The following COMMD9 variants were observed in gnomAD, a reference collection of about 807,000 sequenced individuals.
The protein encoded by COMMD9 is COMM domain-containing protein 9.
A neutral mutation model predicts 23.4 loss-of-function variants in COMMD9; 22 were observed. The ratio of observed to expected loss-of-function variants is 0.94; its 90% confidence interval spans 0.67 to 1.34. COMMD9 has a LOEUF of 1.34. Ranked by LOEUF, COMMD9 falls within the 40% of genes most tolerant of loss-of-function variation. The pLI, the probability that COMMD9 is intolerant of heterozygous loss-of-function variation, is 0.00. For synonymous variants in COMMD9, 99 were observed against 97.4 expected, an observed-to-expected ratio of 1.02 and a Z score of -0.10; for missense variants, 231 against 240.2, an observed-to-expected ratio of 0.96 and a Z score of 0.25.
chr11:36,287,002 C>T (rs1311538283), intron 1 of COMMD9, among the ~76,000 whole-genome samples: 2 of 151,784 alleles, frequency 1.3e-5, no homozygotes, highest in Non-Finnish European at 2.9e-5. Flanking sequence ...ATCCTTTACC[C>T]AATTTCCCCT....
chr11:36,278,444 G>A (rs761433805), intron 3 of COMMD9, 33 bp downstream of exon 3: 7 of 1,572,206 alleles, frequency 4.5e-6, no homozygotes, highest in Non-Finnish European at 5.2e-6. Flanking sequence ...AAATGTAAAA[G>A]TTAGAAGGGA....
intron 4 of COMMD9, 77 bp downstream of exon 4, chr11:36,277,012 C>T (rs1415229384): frequency 1.3e-5 from 17 of 1,324,698 alleles, no homozygotes; most frequent in Non-Finnish European, 1.8e-5. Flanking sequence ...CTGCCAAAAT[C>T]TCTGATCACT....
At position 36,277,208 on chromosome 11, in the gene COMMD9, T is replaced by C. The variant is rs1162969442; in HGVS notation, c.318-85A>G. ...GATAGAGAGGGGAACTGGCCCTTCC[T>C]GTGATCTTCAGACCTGTCATCACCT... On this transcript the variant is annotated intron_variant, in intron 3 of 5. Transcript: ENST00000263401. 4 of 978,816 alleles carry C rather than the reference T, an allele frequency of 4.1e-6. No homozygotes were observed. In the East Asian group the frequency reaches 1.2e-4, roughly 29 times the overall value. The allele number at this position is 978,816 out of a possible 1,614,324, so 60.6% of individuals were successfully genotyped here. A position where few individuals can be genotyped will look rare whatever the true frequency, so the allele number is the denominator to read the frequency against.
In COMMD9 at chr11:36,273,157, G is replaced by A. The variant is rs1490279166; in HGVS notation, c.*1475C>T. On this transcript the variant is annotated 3_prime_UTR_variant, in exon 6 of 6. Coordinates refer to ENST00000263401, the MANE Select transcript of COMMD9 (RefSeq NM_014186.4). ...GTGAAAATTGAGATGTAGAAGTCAAGCACCTTACCACTGAGAAGCAGAGCT... is the reference window on the plus strand; with the variant it reads ...GTGAAAATTGAGATGTAGAAGTCAAACACCTTACCACTGAGAAGCAGAGCT... The A allele has an allele frequency of 6.6e-6, 1 of 152,140 alleles. No homozygotes were observed. The highest frequency in any genetic ancestry group is 1.5e-5 in the Non-Finnish European group (1 of 68,026). The allele number at this position is 152,140 out of a possible 1,614,324, so 9.4% of individuals were successfully genotyped here.
At chr11:36,281,955 T>C (rs576722496) in intron 1 of COMMD9, among the ~76,000 whole-genome samples, 3 of 151,910 alleles carry the variant, frequency 2.0e-5, no homozygotes, top group African/African-American at 4.8e-5. Context: ...AAATAGAAGA[T>C]ATACAGAACA....
chr11:36,286,427 AAAG>A (rs1344834324), intron 1 of COMMD9, among the ~76,000 whole-genome samples: 3,116 of 35,154 alleles, frequency 0.089, 133 homozygotes, highest in East Asian at 0.32. Flanking sequence ...AGAAAGAAAG[AAAG>A]AAAGAAAAGA....
intron 5 of COMMD9, among the ~76,000 whole-genome samples, chr11:36,275,073 A>C (rs1855948023): frequency 6.6e-6 from 1 of 152,226 alleles, no homozygotes; most frequent in Admixed American, 6.5e-5. Context: ...AAGCAAGAAA[A>C]CATTACGTGT....
chr11:36,286,434 G>GAAAAA (rs1217773767), intron 1 of COMMD9, among the ~76,000 whole-genome samples: 1 of 76,018 alleles, frequency 1.3e-5, no homozygotes, highest in East Asian at 5.0e-4. Context: ...AAGAAAGAAA[G>GAAAAA]AAAAGAAAAA....
At chr11:36,278,752 G>C in intron 2 of COMMD9, 136 bp from the exon 3 acceptor site, 1 of 805,148 alleles carries the variant, frequency 1.2e-6, no homozygotes, top group Non-Finnish European at 1.9e-6. Flanking sequence ...CAAGTCCAGA[G>C]GCCTCTGTGG....
In COMMD9 at chr11:36,289,403, G is replaced by A; in HGVS notation, c.10C>T (p.Leu4=). 1 of 1,552,016 alleles carries A rather than the reference G, an allele frequency of 6.4e-7. No individual in the cohort carries two copies. The highest frequency in any genetic ancestry group is 1.2e-5 in the South Asian group (1 of 84,062). The change falls in exon 1 of 6, where the codon CTG becomes TTG. Residue 4 remains leucine, a synonymous_variant. Transcript: ENST00000263401. MAA[L]TAEHFAALQS... Reference sequence around the variant, plus strand: ...AGTGCTGCAAAATGCTCCGCTGTCAGGGCAGCCATCTTGCCGAAGTCACAT... The same window carrying A: ...AGTGCTGCAAAATGCTCCGCTGTCAAGGCAGCCATCTTGCCGAAGTCACAT...
chr11:36,287,609 T>C (rs1403384575), intron 1 of COMMD9, among the ~76,000 whole-genome samples: 1 of 151,880 alleles, frequency 6.6e-6, no homozygotes, highest in African/African-American at 2.4e-5. Flanking sequence ...AAAGTCTAAG[T>C]ATTTTTTTAA....
chr11:36,288,561 G>A (rs1449980146), intron 1 of COMMD9, among the ~76,000 whole-genome samples: 1 of 152,176 alleles, frequency 6.6e-6, no homozygotes, highest in African/African-American at 2.4e-5. Context: ...CCAACACTTT[G>A]GAAGGCGGAG....
At chr11:36,274,838 C>A in intron 5 of COMMD9, 66 bp from the exon 6 acceptor site, 2 of 1,589,856 alleles carry the variant, frequency 1.3e-6, no homozygotes, top group South Asian at 2.3e-5. Context: ...TAAGTGAGCC[C>A]TGAACCTGCG....
chr11:36,289,078 T>C (rs1336526752), intron 1 of COMMD9, among the ~76,000 whole-genome samples: 1 of 152,132 alleles, frequency 6.6e-6, no homozygotes, highest in Non-Finnish European at 1.5e-5. Flanking sequence ...ACCACTTCAA[T>C]GCACCAATAC....
In COMMD9 at chr11:36,273,230, G is replaced by A. The variant is rs933829755; in HGVS notation, c.*1402C>T. The A allele has an allele frequency of 6.6e-6, 1 of 152,126 alleles. No individual in the cohort carries two copies. The highest frequency in any genetic ancestry group is 2.4e-5 in the African/African-American group (1 of 41,424). 9.4% of individuals were successfully genotyped at this position (152,126 alleles called of 1,614,324 possible). On this transcript the variant is annotated 3_prime_UTR_variant, in exon 6 of 6. Transcript: ENST00000263401. ...ACTCCTGACAGCATATTCTTAATCT[G>A]TGGATTTACCTCCTCCATTCACTCC...
chr11:36,287,806 G>A (rs546446426), intron 1 of COMMD9, among the ~76,000 whole-genome samples: 1 of 152,226 alleles, frequency 6.6e-6, no homozygotes, highest in South Asian at 2.1e-4. Flanking sequence ...TACCATTGGG[G>A]AAGAAAGTGA....
chr11:36,283,406 A>G (rs1277796951), intron 1 of COMMD9, among the ~76,000 whole-genome samples: 1 of 152,210 alleles, frequency 6.6e-6, no homozygotes, highest in Non-Finnish European at 1.5e-5. Flanking sequence ...TAGAGGAAAT[A>G]TTTAAGACAA....
At chr11:36,279,231 C>T (rs1856026157) in intron 2 of COMMD9, among the ~76,000 whole-genome samples, 1 of 152,222 alleles carries the variant, frequency 6.6e-6, no homozygotes, top group Non-Finnish European at 1.5e-5. Flanking sequence ...AGAGAACAAA[C>T]AGCTCCTGGC....
chr11:36,273,996 C>A lies in COMMD9; in HGVS notation c.*636G>T. The A allele has an allele frequency of 5.0e-6, 1 of 199,310 alleles. No homozygotes were observed. The allele number at this position is 199,310 out of a possible 1,614,324, so 12.3% of individuals were successfully genotyped here. On this transcript the variant is annotated 3_prime_UTR_variant, in exon 6 of 6. Coordinates refer to ENST00000263401, the MANE Select transcript of COMMD9 (RefSeq NM_014186.4). The stretch of plus-strand genomic sequence containing the variant: ...ACTGTTGTTTAGTTCCAATTATTCC[C>A]ACTTCTTCACCTAGGAGTGGCTGCA...
Sources: gnomAD v4.1 joint callset for allele counts (sites outside exome capture counted in the v4.1 genomes callset) on GRCh38, gnomAD v4.1.1 for gene constraint, MANE v1.5 for transcripts, NCBI Gene and HGNC (gene_info 2026-07-23, HGNC 2026-07-21) for gene names.